Variants in SUMO2 observed in about 807,000 individuals in gnomAD.
The protein encoded by SUMO2 is small ubiquitin-related modifier 2.
SUMO2 carries 1 observed loss-of-function variant against 16.0 expected under a neutral mutation model. The observed-to-expected ratio is 0.06, with a 90% CI of 0.02 to 0.30. The LOEUF is 0.30. SUMO2 is among the 10% of genes least tolerant of loss of function. The pLI is 1.00. For synonymous variants in SUMO2, 36 were observed against 40.6 expected (o/e 0.89, Z 0.43); for missense variants, 16 against 117.5 (o/e 0.14, Z 3.99).
chr17:75,172,899 G>A (rs1321072839), intron 3 of SUMO2, among the ~76,000 whole-genome samples: 1 of 152,178 alleles, frequency 6.6e-6, no homozygotes, highest in African/African-American at 2.4e-5. Context: ...AGGATGACAG[G>A]TGTGAACAAG....
At chr17:75,179,979 T>A (rs924850851) in intron 2 of SUMO2, among the ~76,000 whole-genome samples, 1 of 152,132 alleles carries the variant, frequency 6.6e-6, no homozygotes, top group Non-Finnish European at 1.5e-5. Flanking sequence ...ATCTTTCAAG[T>A]ATAAACTCAA....
At chr17:75,180,013 G>C (rs2074814581) in intron 2 of SUMO2, among the ~76,000 whole-genome samples, 2 of 152,090 alleles carry the variant, frequency 1.3e-5, no homozygotes, top group African/African-American at 2.4e-5. Context: ...ACTTACATAG[G>C]TTTAAGCCTT....
intron 3 of SUMO2, among the ~76,000 whole-genome samples, chr17:75,172,483 C>G (rs528708753): frequency 2.0e-5 from 3 of 147,388 alleles, no homozygotes; most frequent in Admixed American, 6.8e-5. Context: ...TCATGCCTGG[C>G]TAAATTTTTT....
At chr17:75,180,392 TAAAAAAAAAAAAAAAAAA>T (rs58684188) in intron 2 of SUMO2, among the ~76,000 whole-genome samples, 571 of 44,876 alleles carry the variant, frequency 0.013, 8 homozygotes, top group Middle Eastern at 0.083. Context: ...ACTCCCAGCT[TAAAAAAAAAAAAAAAAAA>T]AAAAAAAAAA....
At position 75,169,573 on chromosome 17, in the gene SUMO2, C is replaced by T. The variant is rs188707660; in HGVS notation, c.226-1172G>A. Among the ~76,000 whole-genome samples, 169 of 151,820 alleles carry T rather than the reference C, an allele frequency of 1.1e-3. 1 individual carries two copies. Among genetic ancestry groups the T allele is most frequent in the African/African-American group, 3.6e-3 (151 of 41,432 alleles). ...TAATTTTTTGTATTTTTAGTAGAGA[C>T]GGGGTTTCACCGTGTTAGCCAGGAC... On this transcript the variant is annotated intron_variant, in intron 3 of 3. Transcript: ENST00000420826.
At chr17:75,181,329 T>C (rs2074826968) in intron 1 of SUMO2, 141 bp from the exon 2 acceptor site, 1 of 846,698 alleles carries the variant, frequency 1.2e-6, no homozygotes, top group Admixed American at 2.9e-5. Flanking sequence ...TGTTTTCAGC[T>C]GCTGAAATCA....
chr17:75,175,076 G>A (rs917633852), intron 2 of SUMO2, among the ~76,000 whole-genome samples: 1 of 151,948 alleles, frequency 6.6e-6, no homozygotes, highest in South Asian at 2.1e-4. Flanking sequence ...ACACCTCCTG[G>A]TTCAAGCGAT....
chr17:75,172,325 CTTT>C (rs71361663), intron 3 of SUMO2, among the ~76,000 whole-genome samples: 3 of 109,408 alleles, frequency 2.7e-5, no homozygotes, highest in African/African-American at 3.8e-5. Flanking sequence ...TGTACCCAGA[CTTT>C]TTTTTTTTTT....
rs1424374856 is a variant in SUMO2 at position 75,181,259 on chromosome 17, G to A, written c.22-71C>T. The A allele has an allele frequency of 4.7e-6, 7 of 1,504,924 alleles. No homozygotes were observed. The East Asian group carries it at 1.1e-4, about 25-fold the overall frequency. 93.2% of individuals were successfully genotyped at this position (1,504,924 alleles called of 1,614,324 possible). ...GAACACGTTTTATAAAGCAGCAGCA[G>A]CCCTAGTTGCTTCAAAAATCAACAG... On this transcript the variant is annotated intron_variant, in intron 1 of 3. Coordinates refer to ENST00000420826, the MANE Select transcript of SUMO2 (RefSeq NM_006937.4).
intron 3 of SUMO2, among the ~76,000 whole-genome samples, chr17:75,172,516 C>A (rs140329958): frequency 6.9e-6 from 1 of 144,050 alleles, no homozygotes; most frequent in African/African-American, 2.6e-5. Context: ...GAGTTTCGCT[C>A]GTTACCCATG....
intron 2 of SUMO2, among the ~76,000 whole-genome samples, chr17:75,176,476 T>C (rs933668137): frequency 1.3e-5 from 2 of 151,416 alleles, no homozygotes; most frequent in South Asian, 4.2e-4. Flanking sequence ...ATTAGCCGAG[T>C]GTGGTGGCAT....
Position 75,182,890 on chromosome 17 carries a change from A to G in SUMO2, c.-56T>C. 1 of 1,320,280 alleles carries G rather than the reference A, an allele frequency of 7.6e-7. No individual in the cohort carries two copies. Among genetic ancestry groups the G allele is most frequent in the Non-Finnish European group, 9.8e-7 (1 of 1,024,820 alleles). 81.8% of individuals were successfully genotyped at this position (1,320,280 alleles called of 1,614,324 possible). ...TTCACAAAAGAGGTACCAGGTCCGC[A>G]CCAAACGAGCACACAAGCAGCACCA... On this transcript the variant is annotated 5_prime_UTR_variant, in exon 1 of 4. Transcript: ENST00000420826.
intron 2 of SUMO2, among the ~76,000 whole-genome samples, chr17:75,175,888 C>T (rs1319997086): frequency 2.6e-5 from 4 of 152,124 alleles, no homozygotes; most frequent in African/African-American, 7.2e-5. Context: ...TCACCTCAGC[C>T]TCACAAAACG....
intron 3 of SUMO2, among the ~76,000 whole-genome samples, chr17:75,173,926 AAAGGATC>A (rs770643436): frequency 7.9e-5 from 12 of 152,252 alleles, no homozygotes; most frequent in Non-Finnish European, 1.6e-4. Flanking sequence ...ATAAAGAGTT[AAAGGATC>A]AGAGAGCATC....
chr17:75,175,408 C>T (rs1158179639), intron 2 of SUMO2, among the ~76,000 whole-genome samples: 1 of 151,910 alleles, frequency 6.6e-6, no homozygotes, highest in South Asian at 2.1e-4. Context: ...GCAACCTCCA[C>T]CTTTTGGGTT....
At chr17:75,173,198 C>A (rs1404879768) in intron 3 of SUMO2, among the ~76,000 whole-genome samples, 5 of 152,258 alleles carry the variant, frequency 3.3e-5, no homozygotes, top group Non-Finnish European at 7.4e-5. Flanking sequence ...GAGTTTTGCT[C>A]TATCGCCCAG....
intron 3 of SUMO2, among the ~76,000 whole-genome samples, chr17:75,172,487 A>AT (rs566106618): frequency 0.013 from 1,729 of 129,102 alleles, 45 homozygotes; most frequent in South Asian, 0.078. Context: ...GCCTGGCTAA[A>AT]TTTTTTTTTT....
At chr17:75,171,763 T>C (rs2074740568) in intron 3 of SUMO2, among the ~76,000 whole-genome samples, 1 of 152,116 alleles carries the variant, frequency 6.6e-6, no homozygotes, top group Non-Finnish European at 1.5e-5. Flanking sequence ...AATCCCGTTT[T>C]AGTGGTGGGT....
chr17:75,182,593 G>C (rs943874599), intron 1 of SUMO2: 34 of 319,788 alleles, frequency 1.1e-4, no homozygotes, highest in Non-Finnish European at 1.1e-5. Context: ...CGCACTCGGA[G>C]GCCGCCGGGG....
Sources: allele counts gnomAD v4.1 joint callset (sites outside exome capture counted in the v4.1 genomes callset), GRCh38; gene constraint gnomAD v4.1.1; transcripts MANE v1.5; gene names NCBI Gene and HGNC (gene_info 2026-07-23, HGNC 2026-07-21).